The following SDR42E2 variants were observed in gnomAD, a reference collection of about 807,000 sequenced individuals.
SDR42E2 encodes the protein short chain dehydrogenase/reductase family 42E, member 2.
SDR42E2 carries 20 observed loss-of-function variants against 10.5 expected under a neutral mutation model. The ratio of observed to expected loss-of-function variants is 1.90; its 90% CI spans 1.34 to 2.77. SDR42E2 has a LOEUF of 2.77. SDR42E2 is among the 30% of genes most tolerant of loss of function. SDR42E2 has a pLI of 0.00. For missense variants in SDR42E2, 162 were observed against 104.2 expected (o/e 1.55, Z -2.42); for synonymous variants, 72 against 39.2 (o/e 1.84, Z -3.12).
chr16:22,169,645 GC>G, intron 5 of SDR42E2, 143 bp downstream of exon 5: 1 of 665,004 alleles, frequency 1.5e-6, no homozygotes, highest in Non-Finnish European at 2.7e-6. Context: ...CCTCCCCAGG[GC>G]CCTGCATGGG....
At chr16:22,187,390 G>A (rs942301392) in intron 12 of SDR42E2, among the ~76,000 whole-genome samples, 11 of 152,078 alleles carry the variant, frequency 7.2e-5, no homozygotes, top group South Asian at 4.1e-4. Flanking sequence ...GCTGAGACAG[G>A]AGGATCACTT....
At chr16:22,166,862 G>T in intron 3 of SDR42E2, 42 bp from the exon 4 acceptor site, 1 of 580,550 alleles carries the variant, frequency 1.7e-6, no homozygotes, top group South Asian at 2.0e-5. Flanking sequence ...TCTTGCCTTG[G>T]ACTTGAACCC....
intron 11 of SDR42E2, among the ~76,000 whole-genome samples, chr16:22,185,467 G>C (rs1007661203): frequency 6.6e-6 from 1 of 152,104 alleles, no homozygotes; most frequent in Non-Finnish European, 1.5e-5. Context: ...AGTTCCCAGT[G>C]GGCTAACAGT....
chr16:22,188,816 T>C (rs926464088), intron 12 of SDR42E2, among the ~76,000 whole-genome samples: 2 of 152,038 alleles, frequency 1.3e-5, no homozygotes, highest in Non-Finnish European at 1.5e-5. Flanking sequence ...TTTGACTTTA[T>C]AGCCTTTTAT....
At chr16:22,169,688 C>T (rs374911456) in intron 5 of SDR42E2, among the ~76,000 whole-genome samples, 186 bp downstream of exon 5, 5 of 152,314 alleles carry the variant, frequency 3.3e-5, no homozygotes, top group African/African-American at 9.6e-5. Context: ...TGTCTGGGAA[C>T]ATGGGGACCA....
chr16:22,180,166 G>C (rs2046680856), intron 8 of SDR42E2, among the ~76,000 whole-genome samples: 1 of 152,168 alleles, frequency 6.6e-6, no homozygotes, highest in South Asian at 2.1e-4. Flanking sequence ...CAGGACTTCA[G>C]CTTCCAGCCT....
At position 22,186,738 on chromosome 16, in the gene SDR42E2, C is replaced by G; in HGVS notation, c.958C>G (p.Leu320Val). 1 of 401,016 alleles carries G rather than the reference C, an allele frequency of 2.5e-6. No homozygotes were observed. Among genetic ancestry groups the G allele is most frequent in the Non-Finnish European group, 4.4e-6 (1 of 226,248 alleles). 24.8% of individuals were successfully genotyped at this position (401,016 alleles called of 1,614,324 possible). The change falls in exon 12 of 13, where the codon CTC becomes GTC. Residue 320 changes from leucine (L) to valine (V), a missense_variant. Physicochemically the swap from Leu to Val is conservative, Grantham distance 32. Transcript: ENST00000602312. ...CCCTGCAGCAGCAGTTATGGAGCGCCTCCATCTGGCCCTGAGACCCATCTG... is the reference window on the plus strand; with the variant it reads ...CCCTGCAGCAGCAGTTATGGAGCGCGTCCATCTGGCCCTGAGACCCATCTG... ...VYLTAAVMER[L>V]HLALRPICSL...
chr16:22,174,666 C>T (rs1490481119), intron 7 of SDR42E2, among the ~76,000 whole-genome samples: 5 of 150,604 alleles, frequency 3.3e-5, no homozygotes, highest in Non-Finnish European at 7.4e-5. Context: ...ATAATATTTT[C>T]TCTACCTGGG....
intron 5 of SDR42E2, 23 bp downstream of exon 5, chr16:22,169,525 G>A (rs2046575500): frequency 1.4e-6 from 1 of 703,226 alleles, no homozygotes; most frequent in Non-Finnish European, 2.6e-6. Context: ...AGCCGGGTAT[G>A]ACCTGCTGTG....
intron 3 of SDR42E2, 87 bp from the exon 4 acceptor site, chr16:22,166,817 A>G (rs1026348948): frequency 8.6e-6 from 4 of 466,658 alleles, no homozygotes; most frequent in African/African-American, 2.0e-5. Flanking sequence ...TCAGGGGGCC[A>G]GTTCTGAGAC....
At chr16:22,175,032 G>A (rs1442004521) in intron 7 of SDR42E2, among the ~76,000 whole-genome samples, 2 of 152,106 alleles carry the variant, frequency 1.3e-5, no homozygotes, top group Non-Finnish European at 2.9e-5. Context: ...CGTAGTCCTG[G>A]GAGCAGAGTC....
chr16:22,171,788 T>C (rs558790282), intron 6 of SDR42E2, among the ~76,000 whole-genome samples: 48 of 152,282 alleles, frequency 3.2e-4, no homozygotes, highest in African/African-American at 8.4e-4. Flanking sequence ...CTCCTGCGGC[T>C]GTCAAAGTGC....
intron 9 of SDR42E2, among the ~76,000 whole-genome samples, chr16:22,181,874 CGTT>C (rs1555465549): frequency 1.3e-5 from 2 of 152,136 alleles, no homozygotes; most frequent in Non-Finnish European, 2.9e-5. Flanking sequence ...GTGAGGTTGG[CGTT>C]GTTGATCCCA....
At position 22,190,269 on chromosome 16, in the gene SDR42E2, G is replaced by A. The variant is rs2046763265; in HGVS notation, c.1145G>A (p.Arg382His). The change falls in exon 13 of 13, where the codon CGC (arginine) becomes CAC (histidine). Residue 382 changes from arginine (R) to histidine (H), a missense_variant. Arg to His is a conservative substitution (Grantham distance 29). Transcript: ENST00000602312. ...GTGCAGTCCACGACCCGGCGGCCCC[G>A]CGGCTCCACGGCGCGGACCCTCCTG... The part of the protein sequence containing the change: ...LYVQSTTRRP[R>H]GSTARTLLRL... The A allele has an allele frequency of 2.5e-6, 1 of 401,300 alleles. No individual in the cohort carries two copies. The highest frequency in any genetic ancestry group is 2.1e-5 in the African/African-American group (1 of 48,780). The allele number at this position is 401,300 out of a possible 1,614,324, so 24.9% of individuals were successfully genotyped here.
intron 5 of SDR42E2, among the ~76,000 whole-genome samples, chr16:22,170,354 CAATAAATA>C (rs534650764): frequency 2.4e-4 from 37 of 151,986 alleles, no homozygotes; most frequent in Non-Finnish European, 3.4e-4. Flanking sequence ...AACTCCGTCT[CAATAAATA>C]AATAAATAAA....
chr16:22,171,771 A>G (rs911861423), intron 6 of SDR42E2, among the ~76,000 whole-genome samples: 1 of 151,904 alleles, frequency 6.6e-6, no homozygotes, highest in Non-Finnish European at 1.5e-5. Flanking sequence ...GGCTCAATCA[A>G]TCCTCCCTCC....
intron 7 of SDR42E2, among the ~76,000 whole-genome samples, chr16:22,175,239 T>C (rs1169868294): frequency 6.6e-6 from 1 of 151,808 alleles, no homozygotes; most frequent in East Asian, 1.9e-4. Context: ...ACGGGAGGAC[T>C]GCTTGAGCTC....
At chr16:22,167,048 G>T in intron 4 of SDR42E2, 49 bp downstream of exon 4, 1 of 693,194 alleles carries the variant, frequency 1.4e-6, no homozygotes, top group Non-Finnish European at 2.6e-6. Flanking sequence ...TGGGGTTCCA[G>T]TCCTGGCTCT....
chr16:22,177,645 GAAAGAA>G (rs984256679), intron 7 of SDR42E2, among the ~76,000 whole-genome samples: 111 of 151,236 alleles, frequency 7.3e-4, no homozygotes, highest in African/African-American at 2.3e-3. Context: ...AAGAAATAAA[GAAAGAA>G]AAAGAAAAAG....
Sources: gnomAD v4.1 joint callset for allele counts (sites outside exome capture counted in the v4.1 genomes callset) on GRCh38, gnomAD v4.1.1 for gene constraint, MANE v1.5 for transcripts, NCBI Gene and HGNC (gene_info 2026-07-23, HGNC 2026-07-21) for gene names.